ANO5: variants seen among roughly 807,000 people sequenced by gnomAD.
ANO5 encodes anoctamin-5.
A neutral mutation model predicts 121.0 loss-of-function variants in ANO5; 109 were observed. The ratio of observed to expected loss-of-function variants is 0.90; its 90% confidence interval spans 0.77 to 1.06. The LOEUF (loss-of-function observed/expected upper bound fraction) is 1.06, where lower values mean the gene tolerates loss of function less well. Ranked by LOEUF, ANO5 falls within the 50% of genes least tolerant of loss-of-function variation. The probability of loss-of-function intolerance (pLI) is 0.00; values close to 1 mark genes in which losing one functional copy is unlikely to be tolerated. For synonymous variants in ANO5, 406 were observed against 359.9 expected, an observed-to-expected ratio of 1.13 and a Z score of -1.45; for missense variants, 1,064 against 1,078.5, an observed-to-expected ratio of 0.99 and a Z score of 0.19.
At chr11:22,263,205 A>C (rs1046996851) in intron 17 of ANO5, among the ~76,000 whole-genome samples, 162 bp downstream of exon 17, 15 of 152,180 alleles carry the variant, frequency 9.9e-5, no homozygotes, top group Non-Finnish European at 1.8e-4. Flanking sequence ...CATTAAAGTA[A>C]TATAAACTCT....
At chr11:22,219,092 C>T (rs530962191) in intron 4 of ANO5, among the ~76,000 whole-genome samples, 1 of 152,094 alleles carries the variant, frequency 6.6e-6, no homozygotes, top group African/African-American at 2.4e-5. Context: ...TTTTCTGCCT[C>T]AACCTTAACT....
chr11:22,251,999 A>G (rs1590286542), intron 12 of ANO5, among the ~76,000 whole-genome samples: 1 of 136,794 alleles, frequency 7.3e-6, no homozygotes, highest in Non-Finnish European at 1.5e-5. Context: ...CACTGCACTC[A>G]AGCCTGAGAG....
intron 19 of ANO5, among the ~76,000 whole-genome samples, chr11:22,273,797 A>C (rs922522290): frequency 6.6e-6 from 1 of 151,898 alleles, no homozygotes; most frequent in African/African-American, 2.4e-5. Context: ...AGTATGAGAG[A>C]CTCTTGTGTC....
chr11:22,210,939 A>C (rs529508640), intron 2 of ANO5, among the ~76,000 whole-genome samples: 1 of 152,010 alleles, frequency 6.6e-6, no homozygotes, highest in South Asian at 2.1e-4. Flanking sequence ...AGTAGTTCTT[A>C]ACCACTTCTT....
intron 7 of ANO5, 56 bp from the exon 8 acceptor site, chr11:22,236,107 T>A (rs1853207423): frequency 8.9e-7 from 1 of 1,129,796 alleles, no homozygotes; most frequent in African/African-American, 1.5e-5. Flanking sequence ...TTGAAAGAAA[T>A]GTGGAAAGCA....
rs769176276 is a variant in ANO5, at chr11:22,259,614, A to G, written c.1503A>G (p.Leu501=). ...GTTTCATGGAAAGTGATGCATCCTT[A>G]AAGCAGGTCAAAAGCTTCCTTACTC... The part of the protein sequence containing the change: ...FASFMESDAS[L]KQVKSFLTPQ... Residue 501 remains leucine, a synonymous_variant, in exon 15 of 22, where the codon TTA becomes TTG. Transcript: ENST00000324559. 1 of 1,614,118 alleles carries G rather than the reference A, an allele frequency of 6.2e-7. No individual in the cohort carries two copies. The highest frequency in any genetic ancestry group is 2.2e-5 in the East Asian group (1 of 44,868).
chr11:22,227,798 G>C (rs1333112730), intron 7 of ANO5, among the ~76,000 whole-genome samples: 1 of 152,078 alleles, frequency 6.6e-6, no homozygotes, highest in Non-Finnish European at 1.5e-5. Flanking sequence ...AAAGTGAGTG[G>C]TTGATGGTAT....
At chr11:22,263,410 G>C (rs1191791365) in intron 17 of ANO5, among the ~76,000 whole-genome samples, 2 of 152,038 alleles carry the variant, frequency 1.3e-5, no homozygotes, top group African/African-American at 4.8e-5. Flanking sequence ...ATCCTCTGCA[G>C]TTTATTCTAC....
In ANO5 at chr11:22,193,419, G is replaced by A; in HGVS notation, c.-74G>A. On this transcript the variant is annotated 5_prime_UTR_variant, in exon 1 of 22. Transcript: ENST00000324559. ...ACAGTCAGATTCAGCACCTGCCTCA[G>A]ATCTCCACGTCTGTCTCAGCTGCCC... 6.4e-7 allele frequency: 1 copy of A among 1,564,396 alleles called. No individual in the cohort carries two copies. Among genetic ancestry groups the A allele is most frequent in the Non-Finnish European group, 8.7e-7 (1 of 1,155,632 alleles).
chr11:22,250,099 T>G, intron 9 of ANO5, 138 bp from the exon 10 acceptor site: 1 of 735,704 alleles, frequency 1.4e-6, no homozygotes, highest in East Asian at 2.7e-5. Context: ...TTTAGAGAGT[T>G]GAGTAACTTC....
intron 16 of ANO5, among the ~76,000 whole-genome samples, chr11:22,262,517 G>A (rs1854223363): frequency 2.0e-5 from 3 of 152,144 alleles, no homozygotes; most frequent in African/African-American, 4.8e-5. Context: ...TGGTTTAGCA[G>A]TAAAATATGA....
chr11:22,266,290 T>TCC (rs989449462), intron 17 of ANO5, among the ~76,000 whole-genome samples: 1 of 152,148 alleles, frequency 6.6e-6, no homozygotes, highest in African/African-American at 2.4e-5. Context: ...CCATTGTGAC[T>TCC]CCAGTTAGAG....
At chr11:22,215,814 G>A (rs149227766) in intron 3 of ANO5, among the ~76,000 whole-genome samples, 9 of 151,612 alleles carry the variant, frequency 5.9e-5, no homozygotes, top group African/African-American at 1.2e-4. Context: ...TCCCTTTAGC[G>A]GTTTTCCTCC....
chr11:22,259,490 A>C, intron 14 of ANO5, 29 bp from the exon 15 acceptor site: 1 of 1,578,724 alleles, frequency 6.3e-7, no homozygotes, highest in Non-Finnish European at 8.7e-7. Context: ...CAGAGACCCA[A>C]ATAGCAGTTC....
chr11:22,259,478 TAC>T lies in ANO5; in HGVS notation c.1408-39_1408-38del, dbSNP rs749328208. 1.8e-5 allele frequency: 28 copies of T among 1,538,810 alleles called. 1 individual carries two copies. The South Asian group carries it at 3.1e-4, about 17-fold the overall frequency. ...GTTAGATATATATTCATAACAGAGA[TAC>T]AGAGACCCAAATAGCAGTTCTTTGT... On this transcript the variant is annotated intron_variant, in intron 14 of 21. Transcript: ENST00000324559.
chr11:22,218,431 T>C, intron 4 of ANO5, 144 bp downstream of exon 4: 2 of 1,056,758 alleles, frequency 1.9e-6, no homozygotes, highest in Non-Finnish European at 2.9e-6. Flanking sequence ...TTAAGAATAG[T>C]GATTCTTAAT....
intron 8 of ANO5, among the ~76,000 whole-genome samples, chr11:22,237,444 G>A (rs1437378980): frequency 6.6e-6 from 1 of 152,134 alleles, no homozygotes; most frequent in Non-Finnish European, 1.5e-5. Flanking sequence ...AGGCTGGAGT[G>A]CAGTGGTGCA....
rs575965915 is a variant in ANO5, at chr11:22,204,531, G to C, written c.87+681G>C. Among the ~76,000 whole-genome samples the C allele has an allele frequency of 3.9e-5, 6 of 152,184 alleles. No homozygotes were observed. The South Asian group carries it at 1.2e-3, about 32-fold the overall frequency. ...AAACAGGATTTAAAAAGAATTTCCA[G>C]GAATGATTGAAATTTCTGCTTGGAA... On this transcript the variant is annotated intron_variant, in intron 2 of 21. Coordinates refer to ENST00000324559, the MANE Select transcript of ANO5 (RefSeq NM_213599.3).
chr11:22,241,203 C>A (rs932273242), intron 9 of ANO5, among the ~76,000 whole-genome samples: 1 of 11,708 alleles, frequency 8.5e-5, no homozygotes, highest in Non-Finnish European at 1.9e-4. Context: ...TAGTGTATAT[C>A]GTAGTCATCC....
Sources: allele counts gnomAD v4.1 joint callset (sites outside exome capture counted in the v4.1 genomes callset), GRCh38; gene constraint gnomAD v4.1.1; transcripts MANE v1.5; gene names NCBI Gene and HGNC (gene_info 2026-07-23, HGNC 2026-07-21).